PFKP: variants seen among roughly 807,000 people sequenced by gnomAD.
PFKP encodes ATP-dependent 6-phosphofructokinase, platelet type.
PFKP carries 101 observed loss-of-function variants against 94.3 expected under a neutral mutation model. The observed-to-expected ratio is 1.07, with a 90% CI of 0.91 to 1.26. The LOEUF is 1.26. Among genes scored for constraint, PFKP ranks in the 50% most tolerant of loss-of-function variants. PFKP has a pLI of 0.00. For missense variants in PFKP, 1,145 were observed against 1,103.3 expected (o/e 1.04, Z -0.53); for synonymous variants, 573 against 432.6 (o/e 1.32, Z -4.03).
In PFKP at chr10:3,079,180, C is replaced by G. The variant is rs554497174; in HGVS notation, c.113-3208C>G. 9.2e-5 allele frequency among the ~76,000 whole-genome samples: 14 copies of G among 152,132 alleles called. No homozygotes were observed. In the South Asian group the frequency reaches 2.9e-3, roughly 32 times the overall value. On this transcript the variant is annotated intron_variant, in intron 1 of 21. Coordinates refer to ENST00000381125, the MANE Select transcript of PFKP (RefSeq NM_002627.5). ...GGGACTTCAGCGATTGAGTTTAGTG[C>G]TGGGGTGCATTTTTACTCTGCACAG...
intron 1 of PFKP, among the ~76,000 whole-genome samples, chr10:3,080,608 T>C (rs987060400): frequency 9.2e-4 from 138 of 150,070 alleles, no homozygotes; most frequent in African/African-American, 3.3e-3. Context: ...AAATAACAAG[T>C]GTGAAACTCG....
chr10:3,108,777 C>A lies in PFKP; in HGVS notation c.947C>A (p.Ala316Glu). 1 of 1,612,356 alleles carries A rather than the reference C, an allele frequency of 6.2e-7. No individual in the cohort carries two copies. Among genetic ancestry groups the A allele is most frequent in the Non-Finnish European group, 8.5e-7 (1 of 1,178,424 alleles). Reference protein sequence around the residue: ...GHVQRGGTPSAFDRILASRMG... With the variant: ...GHVQRGGTPSEFDRILASRMG... ...GTGCAGAGAGGAGGGACCCCTTCGG[C>A]ATTCGACAGGATCTTGGTGAGTTGG... is the stretch of plus-strand genomic sequence containing the variant. Residue 316 changes from alanine (A) to glutamate (E), a missense_variant, in exon 9 of 22, where the codon GCA (alanine) becomes GAA (glutamate). Physicochemically the swap from Ala to Glu is moderately radical, Grantham distance 107. This residue lies in a region of PFKP where 1,119 missense variants were observed against 1,062.8 expected (regional missense o/e 1.05). Coordinates refer to ENST00000381125, the MANE Select transcript of PFKP (RefSeq NM_002627.5).
At chr10:3,094,918 G>GC (rs1450472652) in intron 2 of PFKP, among the ~76,000 whole-genome samples, 1 of 152,224 alleles carries the variant, frequency 6.6e-6, no homozygotes, top group Admixed American at 6.5e-5. Flanking sequence ...AAGCAGCAAA[G>GC]CCCCTACATC....
intron 2 of PFKP, among the ~76,000 whole-genome samples, chr10:3,096,738 G>T (rs924286973): frequency 1.3e-5 from 2 of 151,906 alleles, no homozygotes; most frequent in Non-Finnish European, 2.9e-5. Flanking sequence ...CAGACCTGAA[G>T]AATGGAGCGC....
chr10:3,101,624 T>A lies in PFKP; in HGVS notation c.454+70T>A, dbSNP rs532682543. On this transcript the variant is annotated intron_variant, in intron 4 of 21. Coordinates refer to ENST00000381125, the MANE Select transcript of PFKP (RefSeq NM_002627.5). ...TTCAGAGCTTTGGAACCGACAGGTTTCCCTCTTCACTGTGGCAGAAGTACC... is the reference window on the plus strand; with the variant it reads ...TTCAGAGCTTTGGAACCGACAGGTTACCCTCTTCACTGTGGCAGAAGTACC... The A allele has an allele frequency of 1.1e-4, 123 of 1,144,898 alleles. No homozygotes were observed. The South Asian group carries it at 1.9e-3, about 18-fold the overall frequency. 70.9% of individuals were successfully genotyped at this position (1,144,898 alleles called of 1,614,324 possible). A position where few individuals can be genotyped will look rare whatever the true frequency, so the allele number is the denominator to read the frequency against.
At chr10:3,089,058 A>C (rs544036222) in intron 2 of PFKP, among the ~76,000 whole-genome samples, 17 of 152,154 alleles carry the variant, frequency 1.1e-4, no homozygotes, top group Non-Finnish European at 2.1e-4. Flanking sequence ...CAGCCTCCTG[A>C]GTAGCTGGGA....
At chr10:3,096,388 A>G (rs999543566) in intron 2 of PFKP, among the ~76,000 whole-genome samples, 5 of 152,270 alleles carry the variant, frequency 3.3e-5, no homozygotes, top group Middle Eastern at 3.4e-3. Context: ...TTACCAAAAA[A>G]CTGCATGCAC....
intron 10 of PFKP, among the ~76,000 whole-genome samples, chr10:3,110,284 C>T (rs1260347297): frequency 4.0e-5 from 6 of 151,814 alleles, no homozygotes; most frequent in South Asian, 4.2e-4. Flanking sequence ...CTGCAAGCTC[C>T]GCCTCCTGGG....
intron 16 of PFKP, among the ~76,000 whole-genome samples, chr10:3,123,387 C>T (rs1176815566): frequency 1.3e-5 from 2 of 152,196 alleles, no homozygotes; most frequent in South Asian, 2.1e-4. Context: ...GCAGGGTCTC[C>T]CCCGTATTGA....
Position 3,105,448 on chromosome 10 carries a change from G to C in PFKP, c.721G>C (p.Glu241Gln). The C allele has an allele frequency of 6.2e-7, 1 of 1,614,038 alleles. No homozygotes were observed. Among genetic ancestry groups the C allele is most frequent in the South Asian group, 1.1e-5 (1 of 91,070 alleles). The change falls in exon 7 of 22, where the codon GAA (glutamate) becomes CAA (glutamine). Residue 241 changes from glutamate (E) to glutamine (Q), a missense_variant. By Grantham distance (29) the Glu-to-Gln change is conservative. Transcript: ENST00000381125. The stretch of plus-strand genomic sequence containing the variant: ...CGGTGCGGACTGGGTGTTCCTTCCA[G>C]AATCTCCACCAGAGGAAGGCTGGGA... ...ACGADWVFLP[E>Q]SPPEEGWEEQ...
At chr10:3,108,091 T>C in intron 8 of PFKP, 1 of 1,067,806 alleles carries the variant, frequency 9.4e-7, no homozygotes. Flanking sequence ...TAAGTGGTCA[T>C]CCATAAAGTC....
chr10:3,120,405 C>G (rs1208236069), intron 16 of PFKP, among the ~76,000 whole-genome samples: 1 of 147,126 alleles, frequency 6.8e-6, no homozygotes, highest in Non-Finnish European at 1.5e-5. Flanking sequence ...GTGTGCTGAG[C>G]CTAAATTTTC....
intron 1 of PFKP, chr10:3,069,478 GACCT>G: frequency 2.4e-6 from 3 of 1,229,022 alleles, no homozygotes; most frequent in Middle Eastern, 2.2e-4. Context: ...CACCTTGAGT[GACCT>G]TACCTGGGCC....
chr10:3,112,568 CAAAACAAA>C (rs1836356810), intron 11 of PFKP, among the ~76,000 whole-genome samples: 1 of 151,738 alleles, frequency 6.6e-6, no homozygotes, highest in South Asian at 2.1e-4. Context: ...AACAACAAAC[CAAAACAAA>C]AAAAGGAGTC....
intron 16 of PFKP, among the ~76,000 whole-genome samples, chr10:3,121,811 T>G (rs1564339210): frequency 2.8e-5 from 1 of 35,576 alleles, no homozygotes; most frequent in East Asian, 9.8e-4. Flanking sequence ...TTCTTTTTTT[T>G]TTTTTTTTTT....
chr10:3,092,692 G>A lies in PFKP; in HGVS notation c.187-6583G>A, dbSNP rs77785504. Reference sequence around the variant, plus strand: ...TCAATAAAATTGAAAAAATATGGGGGAAAAAAACCTTTCCCTTCCTGATAG... The same window carrying A: ...TCAATAAAATTGAAAAAATATGGGGAAAAAAAACCTTTCCCTTCCTGATAG... On this transcript the variant is annotated intron_variant, in intron 2 of 21. Coordinates refer to ENST00000381125, the MANE Select transcript of PFKP (RefSeq NM_002627.5). Among the ~76,000 whole-genome samples the A allele has an allele frequency of 4.9e-4, 66 of 133,516 alleles. 2 individuals are homozygous for A. The South Asian group carries it at 8.7e-3, about 18-fold the overall frequency. The allele number at this position is 133,516 out of a possible 152,430, so 87.6% of individuals were successfully genotyped here. A position where few individuals can be genotyped will look rare whatever the true frequency, so the allele number is the denominator to read the frequency against.
rs76679991 is a variant in PFKP at position 3,097,381 on chromosome 10, C to T, written c.187-1894C>T. On this transcript the variant is annotated intron_variant, in intron 2 of 21. Transcript: ENST00000381125. ...ATCCGACCTCACACTTGCTCACCCT[C>T]GCCCTCCGGGGGACGGCTACACTGG... Among the ~76,000 whole-genome samples, 469 of 152,228 alleles carry T rather than the reference C, an allele frequency of 3.1e-3. 5 individuals carry two copies. The highest frequency in any genetic ancestry group is 0.011 in the African/African-American group (450 of 41,514).
intron 1 of PFKP, among the ~76,000 whole-genome samples, chr10:3,074,336 G>T (rs903640539): frequency 2.6e-5 from 4 of 152,194 alleles, no homozygotes; most frequent in Non-Finnish European, 5.9e-5. Flanking sequence ...GGAACCTCTG[G>T]TTGGGGCCCT....
intron 1 of PFKP, among the ~76,000 whole-genome samples, chr10:3,081,754 A>T (rs1440974149): frequency 1.6e-5 from 2 of 125,820 alleles, no homozygotes; most frequent in East Asian, 4.8e-4. Context: ...CATTGTAAGC[A>T]GACTTATATG....
Sources: gnomAD v4.1 joint callset for allele counts (sites outside exome capture counted in the v4.1 genomes callset) on GRCh38, gnomAD v4.1.1 for gene constraint, gnomAD v4.1.1 regional missense constraint, MANE v1.5 for transcripts, NCBI Gene and HGNC (gene_info 2026-07-23, HGNC 2026-07-21) for gene names.